THSD7A: variants seen among roughly 807,000 people sequenced by gnomAD.
THSD7A encodes thrombospondin type-1 domain-containing protein 7A.
THSD7A carries 96 observed loss-of-function variants against 231.3 expected under a neutral mutation model. The ratio of observed to expected loss-of-function variants is 0.41; its 90% confidence interval spans 0.35 to 0.49. THSD7A has a LOEUF of 0.49. Ranked by LOEUF, THSD7A falls within the 20% of genes least tolerant of loss-of-function variation. The pLI, the probability that THSD7A is intolerant of heterozygous loss-of-function variation, is 0.05. For missense variants in THSD7A, 2,290 were observed against 2,070.2 expected (o/e 1.11, Z -2.06); for synonymous variants, 940 against 743.3 (o/e 1.26, Z -4.30).
chr7:11,804,671 A>G (rs1784355780), intron 1 of THSD7A, among the ~76,000 whole-genome samples: 1 of 152,208 alleles, frequency 6.6e-6, no homozygotes, highest in Non-Finnish European at 1.5e-5. Context: ...CTAGCTAATG[A>G]TTAAGGCATT....
intron 1 of THSD7A, among the ~76,000 whole-genome samples, chr7:11,778,200 A>G (rs567453901): frequency 2.0e-3 from 306 of 149,506 alleles, no homozygotes; most frequent in Non-Finnish European, 3.6e-3. Flanking sequence ...CCTATGTACT[A>G]GAAACATGAA....
At chr7:11,465,012 G>A (rs1387178239) in intron 9 of THSD7A, among the ~76,000 whole-genome samples, 1 of 152,120 alleles carries the variant, frequency 6.6e-6, no homozygotes, top group Non-Finnish European at 1.5e-5. Flanking sequence ...AACTTGAGCT[G>A]GCAAACTGGG....
At chr7:11,498,115 T>C (rs951051813) in intron 6 of THSD7A, among the ~76,000 whole-genome samples, 8 of 152,138 alleles carry the variant, frequency 5.3e-5, no homozygotes, top group African/African-American at 1.9e-4. Context: ...AGTGGGAGCT[T>C]AGACTCCTGT....
intron 1 of THSD7A, among the ~76,000 whole-genome samples, chr7:11,647,378 T>G (rs1268007735): frequency 6.6e-6 from 1 of 152,046 alleles, no homozygotes; most frequent in Non-Finnish European, 1.5e-5. Context: ...CCGTATGTCT[T>G]GGCTCTTATG....
intron 1 of THSD7A, among the ~76,000 whole-genome samples, chr7:11,704,448 G>C (rs1780700262): frequency 6.6e-6 from 1 of 150,808 alleles, no homozygotes; most frequent in Non-Finnish European, 1.5e-5. Context: ...AGGGATACAG[G>C]TGGAATACCA....
At chr7:11,559,020 G>C (rs952034806) in intron 4 of THSD7A, among the ~76,000 whole-genome samples, 1 of 152,170 alleles carries the variant, frequency 6.6e-6, no homozygotes, top group African/African-American at 2.4e-5. Context: ...AAAGGTACTT[G>C]ATATGCCATT....
At chr7:11,722,010 G>T (rs1214875559) in intron 1 of THSD7A, among the ~76,000 whole-genome samples, 1 of 151,784 alleles carries the variant, frequency 6.6e-6, no homozygotes, top group East Asian at 2.0e-4. Context: ...GGTCTGGTTA[G>T]TTTCTACTCA....
intron 13 of THSD7A, among the ~76,000 whole-genome samples, chr7:11,442,124 C>T (rs1276124138): frequency 6.6e-6 from 1 of 151,924 alleles, no homozygotes; most frequent in East Asian, 1.9e-4. Flanking sequence ...ATCATTTGTG[C>T]AGTGACTATA....
intron 1 of THSD7A, among the ~76,000 whole-genome samples, chr7:11,682,097 C>G (rs73294550): frequency 0.1 from 15,263 of 152,032 alleles, 812 homozygotes; most frequent in African/African-American, 0.14. Flanking sequence ...ATAAGAGATG[C>G]TTAAGGGAGT....
At chr7:11,618,992 T>C (rs952332791) in intron 2 of THSD7A, among the ~76,000 whole-genome samples, 3 of 151,982 alleles carry the variant, frequency 2.0e-5, no homozygotes, top group Admixed American at 6.6e-5. Context: ...ATAATAAAGA[T>C]AGTAATACAT....
chr7:11,590,985 G>A lies in THSD7A; in HGVS notation c.1272-344C>T, dbSNP rs564211808. Among the ~76,000 whole-genome samples the A allele has an allele frequency of 1.3e-5, 2 of 152,054 alleles. No individual in the cohort carries two copies. Among genetic ancestry groups the A allele is most frequent in the Non-Finnish European group, 2.9e-5 (2 of 68,032 alleles). The stretch of plus-strand genomic sequence containing the variant: ...TTTCTTGTTGCCTATAAACAAAGGT[G>A]GATTGAATATGAAAATGGGAAACAT... On this transcript the variant is annotated intron_variant, in intron 3 of 27. Coordinates refer to ENST00000423059, the MANE Select transcript of THSD7A (RefSeq NM_015204.3). The surrounding 1 kb of genome is among the most constrained non-coding windows in gnomAD (Gnocchi z 4.4).
Position 11,636,308 on chromosome 7 carries a change from C to T in THSD7A, c.844G>A (p.Glu282Lys). The T allele has an allele frequency of 6.2e-7, 1 of 1,613,928 alleles. No homozygotes were observed. The highest frequency in any genetic ancestry group is 8.5e-7 in the Non-Finnish European group (1 of 1,179,890). The stretch of plus-strand genomic sequence containing the variant: ...CCTTTGCTGCGGTCCTTTTCCCGTT[C>T]TTTATTCTTCCCGCGTCTCCTTGCT... Reference protein sequence around the residue: ...RQARRRGKNKEREKDRSKGVK... With the variant: ...RQARRRGKNKKREKDRSKGVK... Residue 282 changes from glutamate (E) to lysine (K), a missense_variant, in exon 2 of 28, where the codon GAA becomes AAA. Glu to Lys is a moderately conservative substitution (Grantham distance 56, BLOSUM62 1). Coordinates refer to ENST00000423059, the MANE Select transcript of THSD7A (RefSeq NM_015204.3). This position sits in a 1 kb window ranked among gnomAD's most constrained non-coding sequence, Gnocchi z 10.0.
intron 1 of THSD7A, among the ~76,000 whole-genome samples, chr7:11,653,838 C>T (rs1157443700): frequency 6.6e-6 from 1 of 151,904 alleles, no homozygotes; most frequent in Non-Finnish European, 1.5e-5. Flanking sequence ...ATTCTCAATG[C>T]ATTTACCTTA....
intron 13 of THSD7A, among the ~76,000 whole-genome samples, chr7:11,443,601 A>C (rs1784871233): frequency 6.6e-6 from 1 of 152,056 alleles, no homozygotes; most frequent in South Asian, 2.1e-4. Flanking sequence ...AGTTCACATC[A>C]TTAGACTTTT....
chr7:11,588,917 C>T (rs899744467), intron 4 of THSD7A, among the ~76,000 whole-genome samples: 5 of 152,180 alleles, frequency 3.3e-5, no homozygotes, highest in Non-Finnish European at 7.3e-5. Flanking sequence ...CTAGGCTAGA[C>T]TCCTAAATGA....
chr7:11,529,197 C>T (rs746107988), intron 6 of THSD7A, among the ~76,000 whole-genome samples: 6 of 152,038 alleles, frequency 3.9e-5, no homozygotes, highest in Non-Finnish European at 5.9e-5. Flanking sequence ...GATATTAGCT[C>T]AATGTCAACT....
rs1223754126 is a variant in THSD7A at position 11,377,550 on chromosome 7, CT to C, written c.4802-894del. On this transcript the variant is annotated intron_variant, in intron 26 of 27. Transcript: ENST00000423059. This position sits in a 1 kb window ranked among gnomAD's most constrained non-coding sequence, Gnocchi z 4.5. The stretch of plus-strand genomic sequence containing the variant: ...GAAAGGCATCAAATGGAAATTGGTA[CT>C]GTGGAATTTTTTTGCCCGGAGTTAG... Among the ~76,000 whole-genome samples, 5 of 152,076 alleles carry C rather than the reference CT, an allele frequency of 3.3e-5. No individual in the cohort carries two copies. Among genetic ancestry groups the C allele is most frequent in the African/African-American group, 1.2e-4 (5 of 41,446 alleles).
intron 4 of THSD7A, among the ~76,000 whole-genome samples, chr7:11,558,818 A>C (rs1217928031): frequency 6.6e-6 from 1 of 152,100 alleles, no homozygotes; most frequent in African/African-American, 2.4e-5. Flanking sequence ...GAACCTGTGA[A>C]TGTGTTATCT....
rs944402814 is a variant in THSD7A, at chr7:11,371,858, A to T, written c.*3936T>A. ...GATGTTCACACTCTGAGTGAGTGAC[A>T]CTTTGATTCTAATAGGGAAGGAAAT... On this transcript the variant is annotated 3_prime_UTR_variant, in exon 28 of 28. Coordinates refer to ENST00000423059, the MANE Select transcript of THSD7A (RefSeq NM_015204.3). The T allele has an allele frequency of 6.6e-6, 1 of 150,546 alleles. No individual in the cohort carries two copies. Among genetic ancestry groups the T allele is most frequent in the Admixed American group, 6.7e-5 (1 of 14,964 alleles). The allele number at this position is 150,546 out of a possible 1,614,324, so 9.3% of individuals were successfully genotyped here. A position where few individuals can be genotyped will look rare whatever the true frequency, so the allele number is the denominator to read the frequency against.
Sources: gnomAD v4.1 joint callset for allele counts (sites outside exome capture counted in the v4.1 genomes callset) on GRCh38, gnomAD v4.1.1 for gene constraint, Gnocchi (gnomAD v3.1) non-coding constraint, MANE v1.5 for transcripts, NCBI Gene and HGNC (gene_info 2026-07-23, HGNC 2026-07-21) for gene names.